The following LGALS8 variants were observed in gnomAD, a reference collection of about 807,000 sequenced individuals.
LGALS8 encodes galectin 8, also known as galectin-8.
In LGALS8, 30 loss-of-function variants were observed where a neutral mutation model predicts 35.9. That is an observed-to-expected ratio of 0.83 (90% CI 0.62 to 1.13). The LOEUF (loss-of-function observed/expected upper bound fraction) is 1.13. LGALS8 is among the 50% of genes most tolerant of loss of function. LGALS8 has a pLI of 0.00. For synonymous variants in LGALS8, 138 were observed against 136.1 expected, an observed-to-expected ratio of 1.01 and a Z score of -0.10; for missense variants, 366 against 388.7, an observed-to-expected ratio of 0.94 and a Z score of 0.49.
chr1:236,551,013 A>G lies in LGALS8; in HGVS notation c.*2852A>G. On this transcript the variant is annotated 3_prime_UTR_variant, in exon 10 of 10. Coordinates refer to ENST00000366584, the MANE Select transcript of LGALS8 (RefSeq NM_201544.4). ...CATCTAAAAAAAAAAAAAAAAAATC[A>G]AAATTAAAATCTGAGTCAGTCCGCC... The G allele has an allele frequency of 6.6e-7, 1 of 1,517,148 alleles. No individual in the cohort carries two copies. The highest frequency in any genetic ancestry group is 8.9e-7 in the Non-Finnish European group (1 of 1,121,420). The allele number at this position is 1,517,148 out of a possible 1,614,324, so 94.0% of individuals were successfully genotyped here. A position where few individuals can be genotyped will look rare whatever the true frequency, so the allele number is the denominator to read the frequency against.
chr1:236,542,745 G>C lies in LGALS8; in HGVS notation c.523-16G>C. 3 of 1,613,608 alleles carry C rather than the reference G, an allele frequency of 1.9e-6. No homozygotes were observed. Among genetic ancestry groups the C allele is most frequent in the South Asian group, 1.1e-5 (1 of 91,052 alleles). On this transcript the variant is annotated splice_polypyrimidine_tract_variant and intron_variant, in intron 6 of 9. Coordinates refer to ENST00000366584, the MANE Select transcript of LGALS8 (RefSeq NM_201544.4). ...TCCCCTTCTAACATTGTTGTGTTTT[G>C]TTTCTTTTCCAATAGGTTCCAAAGT...
chr1:236,535,333 G>A (rs1661416611), intron 2 of LGALS8, among the ~76,000 whole-genome samples: 1 of 151,512 alleles, frequency 6.6e-6, no homozygotes, highest in Non-Finnish European at 1.5e-5. Flanking sequence ...TGAGTATGTA[G>A]TAGGTATATC....
At position 236,526,176 on chromosome 1, in the gene LGALS8, A is replaced by G. The variant is rs183142899; in HGVS notation, c.45+61A>G. ...CCAGGACAGATCCAATAGAATATTAATTATCCATTGGGAGACAGGGCAAGA... is the reference window on the plus strand; with the variant it reads ...CCAGGACAGATCCAATAGAATATTAGTTATCCATTGGGAGACAGGGCAAGA... On this transcript the variant is annotated intron_variant, in intron 2 of 9. Transcript: ENST00000366584. This position sits in a 1 kb window ranked among gnomAD's most constrained non-coding sequence, Gnocchi z 4.6. 170 of 1,207,388 alleles carry G rather than the reference A, an allele frequency of 1.4e-4. No individual in the cohort carries two copies. In the East Asian group the frequency reaches 3.4e-3, roughly 24 times the overall value. The allele number at this position is 1,207,388 out of a possible 1,614,324, so 74.8% of individuals were successfully genotyped here. A position where few individuals can be genotyped will look rare whatever the true frequency, so the allele number is the denominator to read the frequency against.
At chr1:236,521,636 T>C (rs949002975), upstream of LGALS8, among the ~76,000 whole-genome samples, 1 of 152,106 alleles carries the variant, frequency 6.6e-6, no homozygotes, top group Non-Finnish European at 1.5e-5. Flanking sequence ...AAGACTAGCC[T>C]GGGCAACATG....
intron 9 of LGALS8, among the ~76,000 whole-genome samples, chr1:236,545,663 A>T (rs1271690336): frequency 6.6e-6 from 1 of 152,208 alleles, no homozygotes; most frequent in African/African-American, 2.4e-5. Flanking sequence ...CATGAATATC[A>T]GGCGGAATAG....
At chr1:236,522,412 T>C (rs1266385), upstream of LGALS8, among the ~76,000 whole-genome samples, 52,038 of 151,936 alleles carry the variant, frequency 0.34, 9,361 homozygotes, top group East Asian at 0.69. Flanking sequence ...GAGACCAGCC[T>C]GGGCAACACA....
intron 9 of LGALS8, chr1:236,545,209 G>A (rs1662288931): frequency 4.4e-6 from 1 of 224,902 alleles, no homozygotes; most frequent in Admixed American, 5.4e-5. Context: ...CAGGACTGGA[G>A]TCACACATTT....
intron 9 of LGALS8, among the ~76,000 whole-genome samples, chr1:236,546,319 G>A (rs1662361884): frequency 6.6e-6 from 1 of 152,202 alleles, no homozygotes; most frequent in Non-Finnish European, 1.5e-5. Flanking sequence ...GTTGATCACT[G>A]CTGACGATTT....
At chr1:236,535,779 T>A (rs1405053031) in intron 2 of LGALS8, among the ~76,000 whole-genome samples, 2 of 152,248 alleles carry the variant, frequency 1.3e-5, no homozygotes, top group African/African-American at 2.4e-5. Context: ...AACAAATAGA[T>A]AATTGGCTTC....
intron 2 of LGALS8, among the ~76,000 whole-genome samples, chr1:236,528,682 C>T (rs1660969127): frequency 2.6e-5 from 4 of 151,024 alleles, no homozygotes; most frequent in Non-Finnish European, 5.9e-5. Context: ...TACAGGCATG[C>T]ACCACCATGC....
At chr1:236,546,901 A>G (rs10489790) in intron 9 of LGALS8, among the ~76,000 whole-genome samples, 11,910 of 151,528 alleles carry the variant, frequency 0.079, 871 homozygotes, top group African/African-American at 0.2. Flanking sequence ...TATTTCCCCA[A>G]TCCTCTGTAG....
chr1:236,543,041 G>T, intron 7 of LGALS8: 1 of 1,613,998 alleles, frequency 6.2e-7, no homozygotes, highest in Non-Finnish European at 8.5e-7. Context: ...TGTGTCAAAG[G>T]TTTGAAGAGC....
chr1:236,524,182 G>A (rs1660669112), intron 1 of LGALS8, 121 bp downstream of exon 1: 3 of 456,540 alleles, frequency 6.6e-6, no homozygotes, highest in Non-Finnish European at 1.3e-5. Flanking sequence ...ACCATTTGAT[G>A]GGTGGGACAG....
intron 3 of LGALS8, among the ~76,000 whole-genome samples, chr1:236,538,267 G>T (rs1418502793): frequency 6.6e-6 from 1 of 152,076 alleles, no homozygotes; most frequent in Non-Finnish European, 1.5e-5. Flanking sequence ...GTTGGGCTCA[G>T]CTCTGTGTAC....
chr1:236,540,117 A>G (rs1661873509), intron 4 of LGALS8: 1 of 156,524 alleles, frequency 6.4e-6, no homozygotes, highest in East Asian at 1.9e-4. Context: ...GTCCATATTA[A>G]TTTATTTAGC....
chr1:236,542,298 T>C (rs982329194), intron 6 of LGALS8: 14 of 188,394 alleles, frequency 7.4e-5, no homozygotes, highest in South Asian at 4.4e-4. Context: ...CTGGGCCACA[T>C]AGGGAGAACC....
intron 2 of LGALS8, among the ~76,000 whole-genome samples, chr1:236,529,912 C>T (rs1661054496): frequency 6.6e-6 from 1 of 152,174 alleles, no homozygotes; most frequent in Non-Finnish European, 1.5e-5. Context: ...CTCGGCCTCC[C>T]AAAGTGCTAG....
chr1:236,546,021 C>CATCA (rs1662341103), intron 9 of LGALS8, among the ~76,000 whole-genome samples: 1 of 152,126 alleles, frequency 6.6e-6, no homozygotes, highest in South Asian at 2.1e-4. Flanking sequence ...AATGATGTAA[C>CATCA]TTGTTTTTGA....
chr1:236,546,313 A>G (rs1662361364), intron 9 of LGALS8, among the ~76,000 whole-genome samples: 1 of 152,196 alleles, frequency 6.6e-6, no homozygotes, highest in Admixed American at 6.5e-5. Context: ...CCTTGTGTTG[A>G]TCACTGCTGA....
Sources: gnomAD v4.1 joint callset for allele counts (sites outside exome capture counted in the v4.1 genomes callset) on GRCh38, gnomAD v4.1.1 for gene constraint, Gnocchi (gnomAD v3.1) non-coding constraint, MANE v1.5 for transcripts, NCBI Gene and HGNC (gene_info 2026-07-23, HGNC 2026-07-21) for gene names.